The following ZHX3 variants were observed in gnomAD, a reference collection of about 807,000 sequenced individuals.
ZHX3 encodes zinc fingers and homeoboxes protein 3.
Under a neutral mutation model 64.5 loss-of-function variants are expected in ZHX3, and 20 were observed. The observed-to-expected ratio is 0.31, with a 90% CI of 0.22 to 0.45. The LOEUF is 0.45. ZHX3 is among the 20% of genes least tolerant of loss of function. ZHX3 has a pLI of 1.00. For missense variants in ZHX3, 1,041 were observed against 1,195.8 expected (o/e 0.87, Z 1.91); for synonymous variants, 423 against 461.6 (o/e 0.92, Z 1.07).
At chr20:41,280,155 G>T (rs1245567808) in intron 1 of ZHX3, among the ~76,000 whole-genome samples, 1 of 152,068 alleles carries the variant, frequency 6.6e-6, no homozygotes, top group East Asian at 1.9e-4. Flanking sequence ...TACTTAGCAG[G>T]ACCAGCACTC....
intron 1 of ZHX3, among the ~76,000 whole-genome samples, chr20:41,287,194 G>A (rs1245431237): frequency 6.6e-6 from 1 of 152,036 alleles, no homozygotes; most frequent in Non-Finnish European, 1.5e-5. Context: ...ATCCACACCT[G>A]TTCCCTTTAT....
Position 41,204,528 on chromosome 20 carries a change from G to C in ZHX3, c.389C>G (p.Thr130Arg). 1 of 1,614,216 alleles carries C rather than the reference G, an allele frequency of 6.2e-7. No individual in the cohort carries two copies. Among genetic ancestry groups the C allele is most frequent in the South Asian group, 1.1e-5 (1 of 91,080 alleles). The change falls in exon 3 of 4, where the codon ACA becomes AGA. Residue 130 changes from threonine to arginine, a missense_variant. This residue lies in a region of ZHX3 where 358 missense variants were observed against 369.1 expected (regional missense o/e 0.97). Coordinates refer to ENST00000683867, the MANE Select transcript of ZHX3 (RefSeq NM_001384317.1). The surrounding 1 kb of genome is among the most constrained non-coding windows in gnomAD (Gnocchi z 6.6). ...TPEGLSLHNA[T>R]CHSGEASFVW... ...AAAGCTGGCTTCCCCGGAGTGACAT[G>C]TGGCATTGTGCAAGGAAAGCCCCTC...
chr20:41,297,626 T>C (rs1232076988), intron 1 of ZHX3, among the ~76,000 whole-genome samples: 1 of 152,110 alleles, frequency 6.6e-6, no homozygotes, highest in Non-Finnish European at 1.5e-5. Flanking sequence ...GGAAAGAATA[T>C]GAAGTAACCC....
chr20:41,189,737 A>AT (rs1313784321), intron 3 of ZHX3, among the ~76,000 whole-genome samples: 6 of 152,084 alleles, frequency 3.9e-5, no homozygotes, highest in African/African-American at 7.2e-5. Context: ...TTGGTGGAGC[A>AT]TTTTTGGTTT....
intron 2 of ZHX3, among the ~76,000 whole-genome samples, chr20:41,268,714 T>A (rs2042982321): frequency 1.3e-5 from 2 of 152,198 alleles, no homozygotes; most frequent in Admixed American, 6.5e-5. Context: ...ACTCTTATGA[T>A]CTCAATGGTC....
intron 2 of ZHX3, among the ~76,000 whole-genome samples, chr20:41,206,468 T>C (rs569518790): frequency 5.3e-5 from 8 of 152,254 alleles, no homozygotes; most frequent in African/African-American, 1.2e-4. Flanking sequence ...AATGACCTGA[T>C]AGAGCTGAAA....
chr20:41,279,949 G>C (rs2043590159), intron 1 of ZHX3, among the ~76,000 whole-genome samples: 1 of 152,172 alleles, frequency 6.6e-6, no homozygotes, highest in South Asian at 2.1e-4. Context: ...GAGGCCTATG[G>C]AACAGCTGCA....
intron 1 of ZHX3, among the ~76,000 whole-genome samples, chr20:41,270,374 CAAAA>C (rs71193635): frequency 7.2e-5 from 6 of 83,554 alleles, no homozygotes; most frequent in East Asian, 3.4e-4. Flanking sequence ...AAACTCCGTC[CAAAA>C]AAAAAAAAAA....
chr20:41,201,990 T>C lies in ZHX3; in HGVS notation c.2860+67A>G, dbSNP rs564401386. 6.0e-6 allele frequency: 9 copies of C among 1,490,878 alleles called. No individual in the cohort carries two copies. The highest frequency in any genetic ancestry group is 2.3e-5 in the East Asian group (1 of 42,618). The allele number at this position is 1,490,878 out of a possible 1,614,324, so 92.4% of individuals were successfully genotyped here. A position where few individuals can be genotyped will look rare whatever the true frequency, so the allele number is the denominator to read the frequency against. ...AGATGCCCCTGTGCAGTAAATTCAG[T>C]GCCCAACCATAAGTGCCTCCTCCCC... is the stretch of plus-strand genomic sequence containing the variant. On this transcript the variant is annotated intron_variant, in intron 3 of 3. Transcript: ENST00000683867. This position sits in a 1 kb window ranked among gnomAD's most constrained non-coding sequence, Gnocchi z 5.0.
chr20:41,304,207 G>A (rs747391008), intron 1 of ZHX3, among the ~76,000 whole-genome samples: 2 of 152,006 alleles, frequency 1.3e-5, no homozygotes, highest in Non-Finnish European at 2.9e-5. Flanking sequence ...ATTTCCTGGG[G>A]TTCCATCTTT....
chr20:41,204,768 C>G lies in ZHX3; in HGVS notation c.149G>C (p.Ser50Thr). The G allele has an allele frequency of 6.2e-7, 1 of 1,614,110 alleles. No individual in the cohort carries two copies. The highest frequency in any genetic ancestry group is 8.5e-7 in the Non-Finnish European group (1 of 1,179,944). Residue 50 changes from serine to threonine, a missense_variant, in exon 3 of 4, where the codon AGT becomes ACT. Transcript: ENST00000683867. The surrounding 1 kb of genome is among the most constrained non-coding windows in gnomAD (Gnocchi z 6.6). The stretch of plus-strand genomic sequence containing the variant: ...ACTGCTGGGGTTCTGTGCTGCCTCA[C>G]TGCTGGCAGCAGATGCTTCTGGGGG... ...DLPPEASAAS[S>T]EAAQNPSSTD...
chr20:41,211,924 A>G (rs1295768676), intron 2 of ZHX3, among the ~76,000 whole-genome samples: 1 of 152,262 alleles, frequency 6.6e-6, no homozygotes, highest in African/African-American at 2.4e-5. Flanking sequence ...ATCCCAAATC[A>G]GGGAAACTAA....
In ZHX3 at chr20:41,309,988, A is replaced by G. The variant is rs139796445; in HGVS notation, c.-245+7521T>C. 4.5e-4 allele frequency among the ~76,000 whole-genome samples: 69 copies of G among 152,258 alleles called. No individual in the cohort carries two copies. The East Asian group carries it at 9.4e-3, about 21-fold the overall frequency. On this transcript the variant is annotated intron_variant, in intron 1 of 3. Transcript: ENST00000683867. ...CACTCATGCGTCCCTCTCTAGCCACATCCTATTACTCCATCACTCCACACA... is the reference window on the plus strand; with the variant it reads ...CACTCATGCGTCCCTCTCTAGCCACGTCCTATTACTCCATCACTCCACACA...
chr20:41,280,899 A>G (rs2043645879), intron 1 of ZHX3, among the ~76,000 whole-genome samples: 1 of 151,824 alleles, frequency 6.6e-6, no homozygotes. Context: ...TTTTTAAAGG[A>G]GAGGACAGAG....
chr20:41,260,285 T>C (rs532695792), intron 2 of ZHX3, among the ~76,000 whole-genome samples: 2 of 152,226 alleles, frequency 1.3e-5, no homozygotes, highest in South Asian at 4.2e-4. Flanking sequence ...GGCATATATA[T>C]TGCATAGGAA....
intron 3 of ZHX3, among the ~76,000 whole-genome samples, chr20:41,199,282 G>T (rs967158375): frequency 1.3e-5 from 2 of 152,102 alleles, no homozygotes; most frequent in Non-Finnish European, 2.9e-5. Flanking sequence ...ATGGACCATG[G>T]TTTTCTATTT....
chr20:41,242,763 T>G (rs55684219), intron 2 of ZHX3, among the ~76,000 whole-genome samples: 1,553 of 152,308 alleles, frequency 0.01, 13 homozygotes, highest in Non-Finnish European at 0.019. Flanking sequence ...AGGCCATATA[T>G]GGAGGAAGTT....
chr20:41,247,304 T>C (rs2041755866), intron 2 of ZHX3, among the ~76,000 whole-genome samples: 2 of 152,080 alleles, frequency 1.3e-5, no homozygotes, highest in South Asian at 4.2e-4. Flanking sequence ...GGCAGCTCAG[T>C]TATAGCAAGT....
At chr20:41,315,057 A>C (rs550742279) in intron 1 of ZHX3, among the ~76,000 whole-genome samples, 15 of 152,362 alleles carry the variant, frequency 9.8e-5, no homozygotes, top group African/African-American at 3.4e-4. Context: ...TTGATAATGC[A>C]GTCAAGCAAA....
Sources: gnomAD v4.1 joint callset for allele counts (sites outside exome capture counted in the v4.1 genomes callset) on GRCh38, gnomAD v4.1.1 for gene constraint, gnomAD v4.1.1 regional missense constraint, Gnocchi (gnomAD v3.1) non-coding constraint, MANE v1.5 for transcripts, NCBI Gene and HGNC (gene_info 2026-07-23, HGNC 2026-07-21) for gene names.